Variants in PDE10A observed in about 807,000 individuals in gnomAD.
PDE10A encodes phosphodiesterase 10A, also known as cAMP and cAMP-inhibited cGMP 3',5'-cyclic phosphodiesterase 10A.
In PDE10A, 39 loss-of-function variants were observed where a neutral mutation model predicts 97.7. The observed-to-expected ratio is 0.40, with a 90% CI of 0.31 to 0.52. PDE10A has a LOEUF of 0.52. Ranked by LOEUF, PDE10A falls within the 20% of genes least tolerant of loss-of-function variation. PDE10A has a pLI of 0.56. For synonymous variants in PDE10A, 371 were observed against 376.8 expected, an observed-to-expected ratio of 0.98 and a Z score of 0.18; for missense variants, 731 against 1,047.8, an observed-to-expected ratio of 0.70 and a Z score of 4.17.
At chr6:165,485,443 G>C (rs2128283284) in intron 2 of PDE10A, among the ~76,000 whole-genome samples, 1 of 145,070 alleles carries the variant, frequency 6.9e-6, no homozygotes, top group South Asian at 2.2e-4. Context: ...ACTCCAGCCT[G>C]GGTGACAGAG....
rs550197068 is a variant in PDE10A at position 165,634,283 on chromosome 6, T to C, written c.865+27664A>G. Among the ~76,000 whole-genome samples, 7 of 152,178 alleles carry C rather than the reference T, an allele frequency of 4.6e-5. No individual in the cohort carries two copies. The East Asian group carries it at 5.8e-4, about 13-fold the overall frequency. ...TGTGTGTGTGGAGCGTCATGGGTTG[T>C]TGAGGAGTGTGCGGAGTGTATCTGT... On this transcript the variant is annotated intron_variant, in intron 1 of 21. Transcript: ENST00000539869.
Position 165,560,766 on chromosome 6 carries a change from G to A in PDE10A, c.866-17198C>T, listed in dbSNP as rs572032009. Among the ~76,000 whole-genome samples, 12 of 152,282 alleles carry A rather than the reference G, an allele frequency of 7.9e-5. No individual in the cohort carries two copies. The South Asian group carries it at 2.1e-3, about 26-fold the overall frequency. On this transcript the variant is annotated intron_variant, in intron 1 of 21. Transcript: ENST00000539869. ...TGTAAGCACAAGCCCAGGGGAGAAC[G>A]TCTATGCTTTTGTAAATCTCATGTT...
At chr6:165,596,249 A>G (rs538242495) in intron 1 of PDE10A, among the ~76,000 whole-genome samples, 3 of 152,224 alleles carry the variant, frequency 2.0e-5, no homozygotes, top group African/African-American at 7.2e-5. Flanking sequence ...AGTATCCGCA[A>G]TCCTTTCATC....
intron 3 of PDE10A, among the ~76,000 whole-genome samples, chr6:165,471,683 T>C (rs1422789271): frequency 1.3e-5 from 2 of 152,106 alleles, no homozygotes; most frequent in Non-Finnish European, 1.5e-5. Flanking sequence ...ATATCACATA[T>C]CTGGATTAAT....
In PDE10A at chr6:165,655,023, G is replaced by C. The variant is rs988322276; in HGVS notation, c.865+6924C>G. On this transcript the variant is annotated intron_variant, in intron 1 of 21. Coordinates refer to ENST00000539869, the MANE Select transcript of PDE10A (RefSeq NM_001385079.1). This position sits in a 1 kb window ranked among gnomAD's most constrained non-coding sequence, Gnocchi z 4.5. Reference sequence around the variant, plus strand: ...GACTGTGGCTTCAACGACTACCTTGGTGTTGCAGAGTCCAAATCTCTCTTT... The same window carrying C: ...GACTGTGGCTTCAACGACTACCTTGCTGTTGCAGAGTCCAAATCTCTCTTT... 1.3e-5 allele frequency among the ~76,000 whole-genome samples: 2 copies of C among 152,166 alleles called. No homozygotes were observed. The highest frequency in any genetic ancestry group is 2.4e-5 in the African/African-American group (1 of 41,440).
At position 165,734,550 on chromosome 6, in the gene PDE10A, C is replaced by A. The variant is rs371444910; in HGVS notation, c.-614-190982G>T. Among the ~76,000 whole-genome samples, 212 of 152,090 alleles carry A rather than the reference C, an allele frequency of 1.4e-3. 1 individual carries two copies. Among genetic ancestry groups the A allele is most frequent in the African/African-American group, 5.0e-3 (208 of 41,484 alleles). On this transcript the variant is annotated intron_variant, in intron 1 of 19. Coordinates refer to the PDE10A transcript ENST00000366882. ...AGAACAGGCAGATGTGAAAAAGAAC[C>A]AAATAACAGTTTCTAGAAATAAAAA... is the stretch of plus-strand genomic sequence containing the variant.
chr6:165,619,173 T>C (rs1464629039), intron 1 of PDE10A, among the ~76,000 whole-genome samples: 5 of 148,270 alleles, frequency 3.4e-5, no homozygotes, highest in African/African-American at 1.3e-4. Context: ...TGTAGTGTAG[T>C]CTAGTGTAGT....
intron 1 of PDE10A, among the ~76,000 whole-genome samples, chr6:165,827,002 G>T (rs1779778824): frequency 6.6e-6 from 1 of 152,104 alleles, no homozygotes; most frequent in Admixed American, 6.5e-5. Context: ...ACAGGTAAGG[G>T]CCAATAACTT....
intron 1 of PDE10A, among the ~76,000 whole-genome samples, chr6:165,903,676 T>C (rs1214741979): frequency 6.6e-6 from 1 of 152,080 alleles, no homozygotes; most frequent in Non-Finnish European, 1.5e-5. Context: ...TTTTGGGAAT[T>C]ATTTTCATAA....
At chr6:165,550,992 A>C (rs1213045601) in intron 1 of PDE10A, among the ~76,000 whole-genome samples, 1 of 152,194 alleles carries the variant, frequency 6.6e-6, no homozygotes, top group Non-Finnish European at 1.5e-5. Context: ...TTTTCTTTAT[A>C]TTTCTGTATA....
chr6:165,619,740 T>C (rs1325133325), intron 1 of PDE10A, among the ~76,000 whole-genome samples: 1 of 151,260 alleles, frequency 6.6e-6, no homozygotes, highest in Non-Finnish European at 1.5e-5. Context: ...TAGTGTAGTC[T>C]AGTGCAGTGT....
At chr6:165,905,607 A>G (rs911937586) in intron 1 of PDE10A, among the ~76,000 whole-genome samples, 10 of 152,266 alleles carry the variant, frequency 6.6e-5, no homozygotes, top group African/African-American at 2.2e-4. Context: ...CGCCATTTAC[A>G]TGGTAATTTA....
intron 1 of PDE10A, among the ~76,000 whole-genome samples, chr6:165,591,242 G>A (rs1583602271): frequency 1.3e-5 from 2 of 152,126 alleles, no homozygotes; most frequent in African/African-American, 4.8e-5. Context: ...CTGGCACAAA[G>A]GGGGCTTTTT....
intron 1 of PDE10A, among the ~76,000 whole-genome samples, chr6:165,835,460 C>T (rs1049120366): frequency 2.0e-5 from 3 of 152,202 alleles, no homozygotes; most frequent in East Asian, 1.9e-4. Context: ...GAGGCCAAGG[C>T]GAGGACAGCA....
Position 165,685,051 on chromosome 6 carries a change from A to T in PDE10A, c.-614-141483T>A, listed in dbSNP as rs1368805569. 9.2e-5 allele frequency among the ~76,000 whole-genome samples: 14 copies of T among 152,336 alleles called. No individual in the cohort carries two copies. The East Asian group carries it at 1.9e-3, about 21-fold the overall frequency. On this transcript the variant is annotated intron_variant, in intron 1 of 19. Transcript: ENST00000366882. ...TTTTATTAGATGTATCTGCTAGTTT[A>T]AGAAATAGACTTAAAAAATCGCTAT...
intron 1 of PDE10A, among the ~76,000 whole-genome samples, chr6:165,978,243 T>C (rs1162863848): frequency 6.6e-6 from 1 of 152,108 alleles, no homozygotes; most frequent in East Asian, 1.9e-4. Context: ...CACACCTCAA[T>C]GAAAAAGAAA....
At chr6:165,396,115 T>G (rs1786136388) in intron 14 of PDE10A, among the ~76,000 whole-genome samples, 1 of 152,200 alleles carries the variant, frequency 6.6e-6, no homozygotes, top group Admixed American at 6.5e-5. Context: ...ATTTTCTTTT[T>G]TAAGGTAATG....
intron 1 of PDE10A, among the ~76,000 whole-genome samples, chr6:165,947,727 C>G (rs1447475789): frequency 6.6e-6 from 1 of 152,148 alleles, no homozygotes; most frequent in Admixed American, 6.5e-5. Flanking sequence ...TATGCTATAA[C>G]CACTGCTACT....
intron 1 of PDE10A, among the ~76,000 whole-genome samples, chr6:165,746,152 C>G (rs548860193): frequency 6.6e-6 from 1 of 152,136 alleles, no homozygotes; most frequent in Non-Finnish European, 1.5e-5. Flanking sequence ...ACAGCTGTGT[C>G]CTTGAAGCTT....
Sources: gnomAD v4.1 joint callset for allele counts (sites outside exome capture counted in the v4.1 genomes callset) on GRCh38, gnomAD v4.1.1 for gene constraint, Gnocchi (gnomAD v3.1) non-coding constraint, MANE v1.5 for transcripts, NCBI Gene and HGNC (gene_info 2026-07-23, HGNC 2026-07-21) for gene names.